GDPGP1: variants seen among roughly 807,000 people sequenced by gnomAD.
The protein encoded by GDPGP1 is GDP-D-glucose phosphorylase 1.
Under a neutral mutation model 19.2 loss-of-function variants are expected in GDPGP1, and 18 were observed. That is an observed-to-expected ratio of 0.94 (90% confidence interval 0.65 to 1.39). The LOEUF (loss-of-function observed/expected upper bound fraction) is 1.39, where lower values mean the gene tolerates loss of function less well. Among genes scored for constraint, GDPGP1 ranks in the 40% most tolerant of loss-of-function variants. GDPGP1 has a pLI of 0.00. For synonymous variants in GDPGP1, 219 were observed against 208.9 expected (o/e 1.05, Z -0.42); for missense variants, 449 against 490.5 (o/e 0.92, Z 0.80).
At chr15:90,238,662 C>T (rs750449571) in intron 3 of GDPGP1, 114 bp downstream of exon 3, 2 of 151,746 alleles carry the variant, frequency 1.3e-5, no homozygotes, top group Non-Finnish European at 2.9e-5. Context: ...ACTAATTTCC[C>T]CCTTGAAAGG....
intron 3 of GDPGP1, among the ~76,000 whole-genome samples, chr15:90,239,635 C>G (rs528140096): frequency 6.6e-6 from 1 of 152,308 alleles, no homozygotes; most frequent in African/African-American, 2.4e-5. Flanking sequence ...CACCGGGCCC[C>G]TCCCACAACA....
chr15:90,239,789 G>A (rs944980740), intron 3 of GDPGP1, among the ~76,000 whole-genome samples: 2 of 152,218 alleles, frequency 1.3e-5, no homozygotes, highest in Non-Finnish European at 2.9e-5. Flanking sequence ...GCAGTGCCTG[G>A]TGGCACATGC....
In GDPGP1 at chr15:90,242,431, C is replaced by CTTTTTTTTTTTTTTTTTTTTTTTTTT. The variant is rs71151576; in HGVS notation, c.*371_*396dup. 3.1e-5 allele frequency: 2 copies of CTTTTTTTTTTTTTTTTTTTTTTTTTT among 65,510 alleles called. No homozygotes were observed. Among genetic ancestry groups the CTTTTTTTTTTTTTTTTTTTTTTTTTT allele is most frequent in the Non-Finnish European group, 6.1e-5 (2 of 32,780 alleles). The allele number at this position is 65,510 out of a possible 1,614,324, so 4.1% of individuals were successfully genotyped here. ...TGAGCCCCTGGATTCTTTTCTGTTTCTTTTTTTTTTTTTTTTTTTTTTTTT... is the reference window on the plus strand; with the variant it reads ...TGAGCCCCTGGATTCTTTTCTGTTTCTTTTTTTTTTTTTTTTTTTTTTTTTTTTTTTTTTTTTTTTTTTTTTTTTTT... On this transcript the variant is annotated 3_prime_UTR_variant, in exon 4 of 4. Coordinates refer to ENST00000329600, the MANE Select transcript of GDPGP1 (RefSeq NM_001013657.3).
At chr15:90,237,443 G>C (rs952911650) in intron 2 of GDPGP1, among the ~76,000 whole-genome samples, 1 of 151,278 alleles carries the variant, frequency 6.6e-6, no homozygotes, top group African/African-American at 2.4e-5. Flanking sequence ...CCACCACCAC[G>C]CCCAGCTAAT....
In GDPGP1 at chr15:90,243,658, T is replaced by G. The variant is rs374641571; in HGVS notation, c.*1592T>G. ...GGTGCAGGTTTTTTTTTTTTTTTTT[T>G]TTTTTTTTTTTTGACACAGGGTCAC... On this transcript the variant is annotated 3_prime_UTR_variant, in exon 4 of 4. Coordinates refer to ENST00000329600, the MANE Select transcript of GDPGP1 (RefSeq NM_001013657.3). The G allele has an allele frequency of 0.23, 21,689 of 95,306 alleles. 1,935 individuals are homozygous for G. The highest frequency in any genetic ancestry group is 0.24 in the Admixed American group (1,928 of 7,962). 5.9% of individuals were successfully genotyped at this position (95,306 alleles called of 1,614,324 possible).
chr15:90,243,943 G>GTTT lies in GDPGP1; in HGVS notation c.*1890_*1892dup, dbSNP rs57782328. On this transcript the variant is annotated 3_prime_UTR_variant, in exon 4 of 4. Transcript: ENST00000329600. ...GCATGAGCCACTGCACCTGGCCTGA[G>GTTT]TTTTTTTTTTTTTTTCTTGAATCAG... The GTTT allele has an allele frequency of 3.6e-5, 5 of 138,000 alleles. No individual in the cohort carries two copies. Among genetic ancestry groups the GTTT allele is most frequent in the African/African-American group, 5.3e-5 (2 of 37,880 alleles). 8.5% of individuals were successfully genotyped at this position (138,000 alleles called of 1,614,324 possible). A position where few individuals can be genotyped will look rare whatever the true frequency, so the allele number is the denominator to read the frequency against.
rs867632359 is a variant in GDPGP1, at chr15:90,234,243, C to G, written c.-191C>G. 4.3e-6 allele frequency: 1 copy of G among 233,516 alleles called. No homozygotes were observed. The highest frequency in any genetic ancestry group is 2.3e-5 in the African/African-American group (1 of 44,164). 14.5% of individuals were successfully genotyped at this position (233,516 alleles called of 1,614,324 possible). On this transcript the variant is annotated 5_prime_UTR_variant, in exon 1 of 4. Transcript: ENST00000329600. ...ACGGGCGTCATGACCTCGCTGTGGC[C>G]CCGGCAGCGGCTGCGGGGAAAGTCG... is the stretch of plus-strand genomic sequence containing the variant.
At position 90,245,239 on chromosome 15, in the gene GDPGP1, GGCTGAAGCAGGCA is replaced by G. The variant is rs1474289049; in HGVS notation, c.*3175_*3187del. 6.6e-6 allele frequency: 1 copy of G among 152,246 alleles called. No individual in the cohort carries two copies. Among genetic ancestry groups the G allele is most frequent in the African/African-American group, 2.4e-5 (1 of 41,448 alleles). The allele number at this position is 152,246 out of a possible 1,614,324, so 9.4% of individuals were successfully genotyped here. On this transcript the variant is annotated 3_prime_UTR_variant, in exon 4 of 4. Transcript: ENST00000329600. ...CGCCTGTAATCCCAGCACTTTGGGAGGCTGAAGCAGGCAGATCACAAGGTCAGGAGTTCAAGAC... is the reference window on the plus strand; with the variant it reads ...CGCCTGTAATCCCAGCACTTTGGGAGGATCACAAGGTCAGGAGTTCAAGAC...
rs1962775206 is a variant in GDPGP1 at position 90,242,061 on chromosome 15, C to CAAT, written c.1158_*2dup. The CAAT allele has an allele frequency of 1.9e-6, 3 of 1,598,206 alleles. No individual in the cohort carries two copies. The highest frequency in any genetic ancestry group is 2.2e-5 in the South Asian group (2 of 89,408). ...GGTGGCCCTGATGTCCCAGGAAGAG[C>CAAT]AATAATACTTCTGGATGTATTTATG... On this transcript the variant is annotated stop_gained and inframe_insertion, in exon 4 of 4. Transcript: ENST00000329600. LOFTEE classifies it high-confidence loss of function.
chr15:90,240,719 G>A (rs1314750331), intron 3 of GDPGP1, among the ~76,000 whole-genome samples, 181 bp from the exon 4 acceptor site: 4 of 147,910 alleles, frequency 2.7e-5, no homozygotes, highest in South Asian at 2.1e-4. Context: ...AGGCTGAGGC[G>A]GGAGAACCGC....
chr15:90,236,736 C>T (rs1425143812), intron 2 of GDPGP1, among the ~76,000 whole-genome samples: 1 of 151,764 alleles, frequency 6.6e-6, no homozygotes, highest in Non-Finnish European at 1.5e-5. Context: ...CGGGGTTTCA[C>T]CATGTCGGCC....
Position 90,241,129 on chromosome 15 carries a change from G to A in GDPGP1, c.221G>A (p.Gly74Glu). The part of the protein sequence containing the change: ...CSAWKQRVEL[G>E]LFRYRLRELQ... ...GCCTGGAAGCAGCGGGTGGAGCTGG[G>A]GCTGTTTCGCTACCGTCTACGGGAG... The change falls in exon 4 of 4, where the codon GGG becomes GAG. Residue 74 changes from glycine (G) to glutamate (E), a missense_variant. By Grantham distance (98) the Gly-to-Glu change is moderately conservative. Coordinates refer to ENST00000329600, the MANE Select transcript of GDPGP1 (RefSeq NM_001013657.3). 1.9e-6 allele frequency: 3 copies of A among 1,614,126 alleles called. No homozygotes were observed. Among genetic ancestry groups the A allele is most frequent in the Non-Finnish European group, 2.5e-6 (3 of 1,179,994 alleles).
At position 90,242,113 on chromosome 15, in the gene GDPGP1, G is replaced by A; in HGVS notation, c.*47G>A. 7 of 1,460,612 alleles carry A rather than the reference G, an allele frequency of 4.8e-6. No homozygotes were observed. Among genetic ancestry groups the A allele is most frequent in the Non-Finnish European group, 6.5e-6 (7 of 1,071,358 alleles). The allele number at this position is 1,460,612 out of a possible 1,614,324, so 90.5% of individuals were successfully genotyped here. ...TCTTTTTTTCTTTTCTTTTGAGATA[G>A]GGTCTCACTCTGTCCCCAGGCTAGA... is the stretch of plus-strand genomic sequence containing the variant. On this transcript the variant is annotated 3_prime_UTR_variant, in exon 4 of 4. Transcript: ENST00000329600.
rs770572490 is a variant in GDPGP1, at chr15:90,242,116, T to C, written c.*50T>C. On this transcript the variant is annotated 3_prime_UTR_variant, in exon 4 of 4. Coordinates refer to ENST00000329600, the MANE Select transcript of GDPGP1 (RefSeq NM_001013657.3). ...TTTTTTCTTTTCTTTTGAGATAGGG[T>C]CTCACTCTGTCCCCAGGCTAGAGTG... The C allele has an allele frequency of 7.0e-7, 1 of 1,437,852 alleles. No individual in the cohort carries two copies. Among genetic ancestry groups the C allele is most frequent in the African/African-American group, 1.4e-5 (1 of 70,636 alleles). The allele number at this position is 1,437,852 out of a possible 1,614,324, so 89.1% of individuals were successfully genotyped here. A position where few individuals can be genotyped will look rare whatever the true frequency, so the allele number is the denominator to read the frequency against.
chr15:90,238,404 T>C (rs934215860), intron 2 of GDPGP1, 88 bp from the exon 3 acceptor site: 1 of 152,260 alleles, frequency 6.6e-6, no homozygotes, highest in African/African-American at 2.4e-5. Flanking sequence ...TCTTGCAAAC[T>C]AAGCCTCAAT....
At chr15:90,235,018 G>C (rs990162220) in intron 2 of GDPGP1, among the ~76,000 whole-genome samples, 1 of 152,194 alleles carries the variant, frequency 6.6e-6, no homozygotes, top group South Asian at 2.1e-4. Flanking sequence ...GAGTATGTTA[G>C]TCTCAGTTTA....
rs1030847408 is a variant in GDPGP1 at position 90,244,863 on chromosome 15, G to T, written c.*2797G>T. 6.6e-6 allele frequency: 1 copy of T among 152,162 alleles called. No homozygotes were observed. Among genetic ancestry groups the T allele is most frequent in the African/African-American group, 2.4e-5 (1 of 41,432 alleles). The allele number at this position is 152,162 out of a possible 1,614,324, so 9.4% of individuals were successfully genotyped here. The stretch of plus-strand genomic sequence containing the variant: ...AGTCTTGGGTCCAGCTCTCAACAGA[G>T]ATTATCACCGCCACCACTCCTTCAT... On this transcript the variant is annotated 3_prime_UTR_variant, in exon 4 of 4. Coordinates refer to ENST00000329600, the MANE Select transcript of GDPGP1 (RefSeq NM_001013657.3).
At chr15:90,234,831 G>A (rs1962598433) in intron 2 of GDPGP1, among the ~76,000 whole-genome samples, 1 of 152,288 alleles carries the variant, frequency 6.6e-6, no homozygotes, top group South Asian at 2.1e-4. Context: ...TTGGCACATA[G>A]TAGGCTCTCA....
At position 90,242,238 on chromosome 15, in the gene GDPGP1, C is replaced by G. The variant is rs565661967; in HGVS notation, c.*172C>G. On this transcript the variant is annotated 3_prime_UTR_variant, in exon 4 of 4. Coordinates refer to ENST00000329600, the MANE Select transcript of GDPGP1 (RefSeq NM_001013657.3). The stretch of plus-strand genomic sequence containing the variant: ...GAGTAGCTGAGACTATAGGCGTGCA[C>G]CACCACACACCTGGCTTTTTTTTTT... 2.9e-4 allele frequency: 112 copies of G among 390,662 alleles called. No individual in the cohort carries two copies. Among genetic ancestry groups the G allele is most frequent in the African/African-American group, 2.3e-3 (104 of 45,002 alleles). 24.2% of individuals were successfully genotyped at this position (390,662 alleles called of 1,614,324 possible). A position where few individuals can be genotyped will look rare whatever the true frequency, so the allele number is the denominator to read the frequency against.
Sources: gnomAD v4.1 joint callset for allele counts (sites outside exome capture counted in the v4.1 genomes callset) on GRCh38, gnomAD v4.1.1 for gene constraint, MANE v1.5 for transcripts, NCBI Gene and HGNC (gene_info 2026-07-23, HGNC 2026-07-21) for gene names.